Variants in JHY observed in about 807,000 individuals in gnomAD.
JHY encodes the protein junctional cadherin complex regulator, also known as jhy protein homolog.
A neutral mutation model predicts 78.0 loss-of-function variants in JHY; 69 were observed. The observed-to-expected ratio is 0.88, with a 90% confidence interval of 0.73 to 1.08. The LOEUF is 1.08. Ranked by LOEUF, JHY falls within the 50% of genes least tolerant of loss-of-function variation. The pLI is 0.00. For missense variants in JHY, 944 were observed against 927.8 expected, an observed-to-expected ratio of 1.02 and a Z score of -0.23; for synonymous variants, 368 against 342.6, an observed-to-expected ratio of 1.07 and a Z score of -0.82.
At position 122,960,730 on chromosome 11, in the gene JHY, C is replaced by T. The variant is rs565406452; in HGVS notation, c.*1285C>T. ...TATCAACTCAATGAGCAAAACATTGCCCAACTAGAAGAGGTGAAGCAGGCT... is the reference window on the plus strand; with the variant it reads ...TATCAACTCAATGAGCAAAACATTGTCCAACTAGAAGAGGTGAAGCAGGCT... On this transcript the variant is annotated 3_prime_UTR_variant, in exon 9 of 9. Coordinates refer to ENST00000227349, the MANE Select transcript of JHY (RefSeq NM_024806.4). 4.5e-5 allele frequency: 20 copies of T among 442,256 alleles called. No homozygotes were observed. The highest frequency in any genetic ancestry group is 7.2e-5 in the Non-Finnish European group (16 of 222,336). 27.4% of individuals were successfully genotyped at this position (442,256 alleles called of 1,614,324 possible). A position where few individuals can be genotyped will look rare whatever the true frequency, so the allele number is the denominator to read the frequency against.
chr11:122,931,120 T>A (rs1363363868), intron 4 of JHY, among the ~76,000 whole-genome samples: 5 of 152,136 alleles, frequency 3.3e-5, no homozygotes, highest in Non-Finnish European at 7.4e-5. Flanking sequence ...ACCCCACCTT[T>A]AAATAGCATT....
At chr11:122,949,983 A>G (rs970822458) in intron 6 of JHY, among the ~76,000 whole-genome samples, 6 of 151,500 alleles carry the variant, frequency 4.0e-5, no homozygotes, top group African/African-American at 1.5e-4. Context: ...ACAGGCGCAC[A>G]CCACTACACC....
chr11:122,934,722 A>T lies in JHY; in HGVS notation c.1281A>T (p.Ser427=). Residue 427 remains serine, a synonymous_variant, in exon 5 of 9, where the codon TCA becomes TCT. Transcript: ENST00000227349. ...CCTCTAACAATGATGTACAAGCCTC[A>T]AGGGCACTTAGAAGCCACAATCTCA... The part of the protein sequence containing the change: ...MHASNNDVQA[S]RALRSHNLKE... 6.2e-7 allele frequency: 1 copy of T among 1,614,108 alleles called. No individual in the cohort carries two copies. Among genetic ancestry groups the T allele is most frequent in the Non-Finnish European group, 8.5e-7 (1 of 1,179,976 alleles).
intron 2 of JHY, among the ~76,000 whole-genome samples, chr11:122,903,269 C>T (rs1591373592): frequency 6.6e-6 from 1 of 152,176 alleles, no homozygotes; most frequent in South Asian, 2.1e-4. Context: ...TGTTGGTGTA[C>T]GTAAGTAATC....
At chr11:122,942,083 G>A (rs879421106) in intron 5 of JHY, among the ~76,000 whole-genome samples, 13 of 152,142 alleles carry the variant, frequency 8.5e-5, no homozygotes, top group African/African-American at 2.9e-4. Context: ...TGTTGGTTAG[G>A]CTGGTCTCGA....
chr11:122,963,584 C>T lies in JHY; in HGVS notation c.*4139C>T, dbSNP rs61564874. 0.023 allele frequency among the ~76,000 whole-genome samples: 3,493 copies of T among 152,186 alleles called. 39 individuals carry two copies. The highest frequency in any genetic ancestry group is 0.031 in the Admixed American group (475 of 15,282). ...TTGCAAAAACAGGGAGTGACAGACA[C>T]GTTTTTTGCTCCTGTTTTAAAGTAA... is the stretch of plus-strand genomic sequence containing the variant. On this transcript the variant is annotated 3_prime_UTR_variant, in exon 9 of 9. Coordinates refer to ENST00000227349, the MANE Select transcript of JHY (RefSeq NM_024806.4).
chr11:122,941,956 CT>C (rs1462196586), intron 5 of JHY, among the ~76,000 whole-genome samples: 1 of 152,166 alleles, frequency 6.6e-6, no homozygotes, highest in Non-Finnish European at 1.5e-5. Flanking sequence ...ATTGCAACCT[CT>C]GCCTCCCAGG....
chr11:122,901,304 G>T (rs115272152), intron 2 of JHY, among the ~76,000 whole-genome samples: 2,303 of 152,284 alleles, frequency 0.015, 69 homozygotes, highest in African/African-American at 0.053. Flanking sequence ...GGCAGTGCGT[G>T]AGCAGGAGTG....
chr11:122,912,151 G>C (rs1319937770), intron 3 of JHY, among the ~76,000 whole-genome samples: 1 of 151,694 alleles, frequency 6.6e-6, no homozygotes, highest in Non-Finnish European at 1.5e-5. Flanking sequence ...GCTGGGCCTC[G>C]TGGTGCGCAC....
At position 122,910,162 on chromosome 11, in the gene JHY, T is replaced by A. The variant is rs114928349; in HGVS notation, c.864+5718T>A. Among the ~76,000 whole-genome samples, 1,276 of 152,048 alleles carry A rather than the reference T, an allele frequency of 8.4e-3. 20 individuals are homozygous for A. The highest frequency in any genetic ancestry group is 0.029 in the African/African-American group (1,218 of 41,490). On this transcript the variant is annotated intron_variant, in intron 3 of 8. Coordinates refer to ENST00000227349, the MANE Select transcript of JHY (RefSeq NM_024806.4). ...CCAGGATTTCTTATTAAGAAAGAAA[T>A]TCAAGGTGCAGTATGTTAAAAGTGG...
At chr11:122,954,821 A>AAATGGAAT (rs11282347) in intron 6 of JHY, among the ~76,000 whole-genome samples, 93,072 of 151,324 alleles carry the variant, frequency 0.62, 29,260 homozygotes, top group African/African-American at 0.74. Flanking sequence ...AAAATTTTTA[A>AAATGGAAT]AATTAACAGG....
rs1282230849 is a variant in JHY, at chr11:122,904,193, C to G, written c.613C>G (p.Arg205Gly). The change falls in exon 3 of 9, where the codon CGT (arginine) becomes GGT (glycine). Residue 205 changes from arginine to glycine, a missense_variant. Physicochemically the swap from Arg to Gly is moderately radical, Grantham distance 125. Coordinates refer to ENST00000227349, the MANE Select transcript of JHY (RefSeq NM_024806.4). The part of the protein sequence containing the change: ...FLSPNYEHGA[R>G]RSKPFSELSD... ...AAGCCCAAACTATGAGCATGGTGCC[C>G]GTCGCAGCAAGCCGTTTTCAGAGCT... 9 of 1,614,120 alleles carry G rather than the reference C, an allele frequency of 5.6e-6. No individual in the cohort carries two copies. Among genetic ancestry groups the G allele is most frequent in the Non-Finnish European group, 7.6e-6 (9 of 1,180,018 alleles).
chr11:122,921,351 T>A (rs900528849), intron 3 of JHY, among the ~76,000 whole-genome samples: 1 of 152,174 alleles, frequency 6.6e-6, no homozygotes, highest in Non-Finnish European at 1.5e-5. Context: ...CTTACAAAAG[T>A]CAGGGAATCA....
chr11:122,950,711 T>G (rs1864068265), intron 6 of JHY, among the ~76,000 whole-genome samples: 1 of 152,228 alleles, frequency 6.6e-6, no homozygotes, highest in South Asian at 2.1e-4. Flanking sequence ...AATGTTAGTT[T>G]CCTTTTCCTT....
chr11:122,940,473 A>G (rs1174359387), intron 5 of JHY, among the ~76,000 whole-genome samples: 2 of 152,214 alleles, frequency 1.3e-5, no homozygotes, highest in East Asian at 3.8e-4. Context: ...CAAGAATACT[A>G]CTTGGGTGAT....
In JHY at chr11:122,962,010, T is replaced by A. The variant is rs967539400; in HGVS notation, c.*2565T>A. ...TGGCCATTTTGCCATCACAAATATC[T>A]TAAAATATTGTCAAATGTGTGTTTT... On this transcript the variant is annotated 3_prime_UTR_variant, in exon 9 of 9. Transcript: ENST00000227349. 6.6e-6 allele frequency among the ~76,000 whole-genome samples: 1 copy of A among 152,158 alleles called. No homozygotes were observed. Among genetic ancestry groups the A allele is most frequent in the African/African-American group, 2.4e-5 (1 of 41,446 alleles).
chr11:122,929,098 T>C (rs899336465), intron 4 of JHY, among the ~76,000 whole-genome samples: 1 of 152,136 alleles, frequency 6.6e-6, no homozygotes, highest in African/African-American at 2.4e-5. Flanking sequence ...TCGCTAATTT[T>C]GTATTTTCAG....
intron 8 of JHY, chr11:122,958,781 A>G: frequency 1.0e-6 from 1 of 984,872 alleles, no homozygotes; most frequent in Non-Finnish European, 1.2e-6. Context: ...TACTTTCTAG[A>G]TCCTAGGAAC....
rs183903995 is a variant in JHY, at chr11:122,959,242, G to A, written c.2140-6G>A. On this transcript the variant is annotated splice_polypyrimidine_tract_variant and splice_region_variant and intron_variant, in intron 8 of 8. Coordinates refer to ENST00000227349, the MANE Select transcript of JHY (RefSeq NM_024806.4). ...TTCAAATAAAATTTCATCTTTATGCGTTTAGGCTTTGGAATACGCTAAGAC... is the reference window on the plus strand; with the variant it reads ...TTCAAATAAAATTTCATCTTTATGCATTTAGGCTTTGGAATACGCTAAGAC... The A allele has an allele frequency of 3.7e-5, 60 of 1,611,968 alleles. No homozygotes were observed. In the East Asian group the frequency reaches 6.2e-4, roughly 17 times the overall value.
Sources: allele counts gnomAD v4.1 joint callset (sites outside exome capture counted in the v4.1 genomes callset), GRCh38; gene constraint gnomAD v4.1.1; transcripts MANE v1.5; gene names NCBI Gene and HGNC (gene_info 2026-07-23, HGNC 2026-07-21).